ZFP1: variants seen among roughly 807,000 people sequenced by gnomAD.
ZFP1 encodes the protein zinc finger protein 1 homolog.
A neutral mutation model predicts 38.5 loss-of-function variants in ZFP1; 32 were observed. That is an observed-to-expected ratio of 0.83 (90% CI 0.63 to 1.12). ZFP1 has a LOEUF of 1.12. ZFP1 is among the 50% of genes most tolerant of loss of function. The pLI is 0.00. For missense variants in ZFP1, 616 were observed against 480.8 expected, an observed-to-expected ratio of 1.28 and a Z score of -2.63; for synonymous variants, 245 against 168.8, an observed-to-expected ratio of 1.45 and a Z score of -3.50.
the ZFP1 span, among the ~76,000 whole-genome samples, chr16:75,128,285 C>A: frequency 6.6e-6 from 1 of 152,182 alleles, no homozygotes; most frequent in Non-Finnish European, 1.5e-5. Flanking sequence ...TTTGATGGTA[C>A]AAATTCATGG....
intron 2 of ZFP1, among the ~76,000 whole-genome samples, chr16:75,162,576 G>T (rs1177194450): frequency 6.6e-6 from 1 of 152,156 alleles, no homozygotes; most frequent in African/African-American, 2.4e-5. Context: ...TTGTTACATA[G>T]ATATTTTTAT....
At chr16:75,139,197 G>A in the ZFP1 span, among the ~76,000 whole-genome samples, 16 of 151,640 alleles carry the variant, frequency 1.1e-4, no homozygotes, top group East Asian at 2.3e-3. Context: ...GCGAAACCCC[G>A]TCTCTACTAA....
At chr16:75,120,321 C>G in the ZFP1 span, among the ~76,000 whole-genome samples, 1 of 152,140 alleles carries the variant, frequency 6.6e-6, no homozygotes, top group Non-Finnish European at 1.5e-5. Flanking sequence ...CTCTTGCACC[C>G]TCTGCTGCAT....
chr16:75,134,523 G>A, the ZFP1 span, among the ~76,000 whole-genome samples: 20 of 151,916 alleles, frequency 1.3e-4, no homozygotes, highest in Admixed American at 9.8e-4. Flanking sequence ...TTGGGAGGCC[G>A]AGGCGGGTGG....
intron 3 of ZFP1, among the ~76,000 whole-genome samples, chr16:75,167,486 C>T (rs1389691699): frequency 6.6e-6 from 1 of 151,704 alleles, no homozygotes; most frequent in Non-Finnish European, 1.5e-5. Context: ...TTTGTTGTGT[C>T]TTGTACATGT....
chr16:75,130,861 C>A, the ZFP1 span, among the ~76,000 whole-genome samples: 1 of 151,158 alleles, frequency 6.6e-6, no homozygotes, highest in African/African-American at 2.4e-5. Context: ...AAAGACCATT[C>A]CACGGCCTAA....
chr16:75,141,751 AAAAAG>A, the ZFP1 span, among the ~76,000 whole-genome samples: 3 of 151,712 alleles, frequency 2.0e-5, no homozygotes, highest in Non-Finnish European at 4.4e-5. Flanking sequence ...TTAAAAAAAA[AAAAAG>A]AGAGAAAAAG....
At chr16:75,134,063 TAAC>T in the ZFP1 span, among the ~76,000 whole-genome samples, 1 of 152,086 alleles carries the variant, frequency 6.6e-6, no homozygotes, top group Non-Finnish European at 1.5e-5. Context: ...ATAATAATAA[TAAC>T]AATAAGTTTT....
At chr16:75,123,578 A>C in the ZFP1 span, among the ~76,000 whole-genome samples, 1 of 147,574 alleles carries the variant, frequency 6.8e-6, no homozygotes, top group Non-Finnish European at 1.5e-5. Flanking sequence ...GCAGGGTTCA[A>C]GCAATTCTCC....
intron 3 of ZFP1, among the ~76,000 whole-genome samples, chr16:75,168,040 A>G (rs922324265): frequency 2.0e-5 from 3 of 152,126 alleles, no homozygotes; most frequent in African/African-American, 7.2e-5. Context: ...CAGCCTGGGC[A>G]ACAGAGACCG....
At chr16:75,124,728 G>A in the ZFP1 span, among the ~76,000 whole-genome samples, 791 of 148,180 alleles carry the variant, frequency 5.3e-3, 6 homozygotes, top group African/African-American at 0.019. Flanking sequence ...CGGAGCTTGC[G>A]GCGAGCTGAG....
chr16:75,121,661 G>A, the ZFP1 span, among the ~76,000 whole-genome samples: 1 of 152,060 alleles, frequency 6.6e-6, no homozygotes, highest in African/African-American at 2.4e-5. Context: ...TGCCTAATAC[G>A]TCTATGTATT....
chr16:75,161,757 A>AATAT (rs1338490455), intron 2 of ZFP1, among the ~76,000 whole-genome samples: 441 of 14,286 alleles, frequency 0.031, 59 homozygotes, highest in African/African-American at 0.11. Context: ...AGTTTTATGA[A>AATAT]ATATATATAT....
chr16:75,146,410 G>A (rs1029859279), upstream of ZFP1, among the ~76,000 whole-genome samples: 20 of 152,034 alleles, frequency 1.3e-4, no homozygotes, highest in Middle Eastern at 3.4e-3. Context: ...CTCGTGATCC[G>A]CCCGCCTCGG....
chr16:75,147,773 A>T (rs1289697929), upstream of ZFP1, among the ~76,000 whole-genome samples: 1 of 152,158 alleles, frequency 6.6e-6, no homozygotes, highest in Non-Finnish European at 1.5e-5. Flanking sequence ...CTGAGGGTGA[A>T]GGGAAATGGG....
At chr16:75,127,915 C>T in the ZFP1 span, 1 of 152,192 alleles carries the variant, frequency 6.6e-6, no homozygotes, top group Non-Finnish European at 1.5e-5. Context: ...ATATTTGTTT[C>T]TCTCTACCTG....
chr16:75,124,331 A>G, the ZFP1 span, among the ~76,000 whole-genome samples: 1 of 150,056 alleles, frequency 6.7e-6, no homozygotes, highest in African/African-American at 2.4e-5. Context: ...GCTAATTCTG[A>G]TATTTTTTAG....
chr16:75,135,209 C>CAAAAAAAAAAAAAAAAAAAAA, the ZFP1 span, among the ~76,000 whole-genome samples: 5 of 14,960 alleles, frequency 3.3e-4, 2 homozygotes, highest in South Asian at 5.8e-3. Context: ...GACCTTATCT[C>CAAAAAAAAAAAAAAAAAAAAA]AAAAAAAAAA....
At chr16:75,144,530 T>G (rs570524805), upstream of ZFP1, among the ~76,000 whole-genome samples, 3 of 152,320 alleles carry the variant, frequency 2.0e-5, no homozygotes, top group East Asian at 5.8e-4. Flanking sequence ...TTCCATAAGA[T>G]TATAGGTTAT....
Sources: allele counts gnomAD v4.1 joint callset (sites outside exome capture counted in the v4.1 genomes callset), GRCh38; gene constraint gnomAD v4.1.1; transcripts MANE v1.5; gene names NCBI Gene and HGNC (gene_info 2026-07-23, HGNC 2026-07-21).